BICC1: variants seen among roughly 807,000 people sequenced by gnomAD.
BICC1 encodes the protein BicC family RNA binding protein 1, also known as protein bicaudal C homolog 1.
Under a neutral mutation model 111.0 loss-of-function variants are expected in BICC1, and 43 were observed. The observed-to-expected ratio is 0.39, with a 90% CI of 0.30 to 0.50. BICC1 has a LOEUF of 0.50. Ranked by LOEUF, BICC1 falls within the 20% of genes least tolerant of loss-of-function variation. The pLI is 0.88. For missense variants in BICC1, 1,091 were observed against 1,203.2 expected (o/e 0.91, Z 1.38); for synonymous variants, 467 against 434.4 (o/e 1.07, Z -0.93).
At chr10:58,611,561 C>T (rs974619449) in intron 1 of BICC1, among the ~76,000 whole-genome samples, 1 of 151,668 alleles carries the variant, frequency 6.6e-6, no homozygotes, top group East Asian at 1.9e-4. Context: ...CTGCAACCTC[C>T]GCCTCCCAGG....
At chr10:58,786,808 T>A (rs1257069509) in intron 4 of BICC1, 115 bp from the exon 5 acceptor site, 8 of 606,078 alleles carry the variant, frequency 1.3e-5, no homozygotes, top group Non-Finnish European at 1.8e-5. Flanking sequence ...TATTAAGAAA[T>A]AAGATTTCCC....
At chr10:58,737,896 G>A (rs1841524756) in intron 3 of BICC1, among the ~76,000 whole-genome samples, 1 of 152,216 alleles carries the variant, frequency 6.6e-6, no homozygotes, top group African/African-American at 2.4e-5. Flanking sequence ...CTTTTGAGAA[G>A]TGTCTGTTCA....
At chr10:58,572,245 A>G (rs1312138045) in intron 1 of BICC1, among the ~76,000 whole-genome samples, 3 of 152,008 alleles carry the variant, frequency 2.0e-5, no homozygotes, top group Non-Finnish European at 4.4e-5. Context: ...AGATGAATGG[A>G]TTGCAAAAAT....
In BICC1 at chr10:58,800,241, A is replaced by C. The variant is rs746779887; in HGVS notation, c.1773A>C (p.Glu591Asp). The C allele has an allele frequency of 1.2e-6, 2 of 1,611,340 alleles. No individual in the cohort carries two copies. The highest frequency in any genetic ancestry group is 1.7e-6 in the Non-Finnish European group (2 of 1,177,708). ...CAATATCCACTTCATCACTTGGAGAAAAAGTGCTGAGTGCAAATCACGGGG... is the reference window on the plus strand; with the variant it reads ...CAATATCCACTTCATCACTTGGAGACAAAGTGCTGAGTGCAAATCACGGGG... ...YGAISTSSLGEKVLSANHGDP... is the reference protein window; with the variant it reads ...YGAISTSSLGDKVLSANHGDP... The change falls in exon 13 of 21, where the codon GAA (glutamate) becomes GAC (aspartate). Residue 591 changes from glutamate to aspartate, a missense_variant. By Grantham distance (45) the Glu-to-Asp change is conservative (BLOSUM62 2). Around this residue, in one of 3 missense-constraint regions of BICC1, gnomAD observed 843 missense variants for 900.8 expected, o/e 0.94. Transcript: ENST00000373886.
At position 58,588,696 on chromosome 10, in the gene BICC1, A is replaced by G. The variant is rs1310125670; in HGVS notation, c.191-32159A>G. On this transcript the variant is annotated intron_variant, in intron 1 of 20. Coordinates refer to ENST00000373886, the MANE Select transcript of BICC1 (RefSeq NM_001080512.3). ...GTGCTGTGCACACGATGTCACAGGT[A>G]CCATGTGGCTTTAAGGTAGTAAAAA... 3.9e-5 allele frequency among the ~76,000 whole-genome samples: 6 copies of G among 152,166 alleles called. No homozygotes were observed. The East Asian group carries it at 9.6e-4, about 24-fold the overall frequency.
chr10:58,613,957 T>C (rs1845519681), intron 1 of BICC1, among the ~76,000 whole-genome samples: 1 of 152,234 alleles, frequency 6.6e-6, no homozygotes, highest in African/African-American at 2.4e-5. Context: ...ATGAGCATTT[T>C]ATTTTATTTA....
chr10:58,759,968 GA>G (rs56286810), intron 3 of BICC1, among the ~76,000 whole-genome samples: 103,646 of 132,826 alleles, frequency 0.78, 39,172 homozygotes, highest in East Asian at 0.98. Context: ...AAAAGAAAAA[GA>G]AAAAAAAAAA....
chr10:58,646,964 T>A (rs1471329505), intron 2 of BICC1, among the ~76,000 whole-genome samples: 13 of 152,180 alleles, frequency 8.5e-5, no homozygotes. Flanking sequence ...TATATACTTA[T>A]AGAAAGAAAA....
At chr10:58,685,710 A>G (rs1168809030) in intron 2 of BICC1, among the ~76,000 whole-genome samples, 1 of 151,542 alleles carries the variant, frequency 6.6e-6, no homozygotes, top group East Asian at 1.9e-4. Flanking sequence ...TTTGTTTTCC[A>G]TTTGCTTGGT....
intron 3 of BICC1, among the ~76,000 whole-genome samples, chr10:58,723,699 T>A (rs1841010470): frequency 6.6e-6 from 1 of 152,136 alleles, no homozygotes; most frequent in Admixed American, 6.5e-5. Flanking sequence ...AGAAAACTTA[T>A]TATGTGTTCT....
intron 20 of BICC1, among the ~76,000 whole-genome samples, chr10:58,823,069 C>CTT (rs932524695): frequency 4.9e-5 from 7 of 142,068 alleles, no homozygotes; most frequent in Admixed American, 7.1e-5. Context: ...CCCAAATCCA[C>CTT]TTTTTTTTTT....
intron 3 of BICC1, among the ~76,000 whole-genome samples, chr10:58,780,499 A>G (rs565521375): frequency 5.8e-4 from 88 of 152,302 alleles, no homozygotes; most frequent in African/African-American, 1.9e-3. Context: ...CAGATTTTTG[A>G]TGAAAGATTG....
upstream of BICC1, among the ~76,000 whole-genome samples, chr10:58,512,686 G>C (rs1252388671): frequency 6.6e-6 from 1 of 152,044 alleles, no homozygotes; most frequent in Non-Finnish European, 1.5e-5. Flanking sequence ...ATACGTGTAA[G>C]TGCAGAAAGT....
chr10:58,762,268 C>T (rs912712538), intron 3 of BICC1, among the ~76,000 whole-genome samples: 1 of 151,874 alleles, frequency 6.6e-6, no homozygotes, highest in Admixed American at 6.6e-5. Context: ...AGAGACAAAA[C>T]GAAAATGTAA....
At chr10:58,620,967 C>T in intron 2 of BICC1, 66 bp downstream of exon 2, 5 of 1,431,598 alleles carry the variant, frequency 3.5e-6, no homozygotes, top group East Asian at 4.7e-5. Flanking sequence ...CAACAGCTAC[C>T]CTAGAAGCCA....
chr10:58,773,169 A>G (rs754713992), intron 3 of BICC1, among the ~76,000 whole-genome samples: 2 of 152,090 alleles, frequency 1.3e-5, no homozygotes, highest in Non-Finnish European at 2.9e-5. Flanking sequence ...AAAAACACCA[A>G]TTTTTCTAAA....
intron 1 of BICC1, among the ~76,000 whole-genome samples, chr10:58,616,823 G>C (rs1158647922): frequency 6.6e-6 from 1 of 152,192 alleles, no homozygotes; most frequent in Non-Finnish European, 1.5e-5. Context: ...GTTGCTGCAG[G>C]GCTATGTGCA....
Position 58,581,130 on chromosome 10 carries a change from A to G in BICC1, c.191-39725A>G, listed in dbSNP as rs779463225. Among the ~76,000 whole-genome samples, 89 of 152,158 alleles carry G rather than the reference A, an allele frequency of 5.8e-4. 1 individual carries two copies. Among genetic ancestry groups the G allele is most frequent in the Admixed American group, 3.8e-3 (58 of 15,262 alleles). The stretch of plus-strand genomic sequence containing the variant: ...TTATAAAGCAAAGGAAATAATAAGA[A>G]TCTCTTTGTAGCTCTGCTTTTATAA... On this transcript the variant is annotated intron_variant, in intron 1 of 20. Transcript: ENST00000373886.
intron 1 of BICC1, among the ~76,000 whole-genome samples, chr10:58,539,899 A>G (rs1842917654): frequency 6.6e-6 from 1 of 151,944 alleles, no homozygotes; most frequent in African/African-American, 2.4e-5. Context: ...AACTAGTATT[A>G]AGAGAAGATT....
Sources: gnomAD v4.1 joint callset for allele counts (sites outside exome capture counted in the v4.1 genomes callset) on GRCh38, gnomAD v4.1.1 for gene constraint, gnomAD v4.1.1 regional missense constraint, MANE v1.5 for transcripts, NCBI Gene and HGNC (gene_info 2026-07-23, HGNC 2026-07-21) for gene names.